Variants in SCLT1 observed in about 807,000 individuals in gnomAD.
SCLT1 encodes the protein sodium channel-associated protein 1.
SCLT1 carries 78 observed loss-of-function variants against 112.8 expected under a neutral mutation model. The observed-to-expected ratio is 0.69, with a 90% CI of 0.58 to 0.83. The LOEUF is 0.83. Among genes scored for constraint, SCLT1 ranks in the 40% least tolerant of loss-of-function variants. The probability of loss-of-function intolerance (pLI) is 0.00; values close to 1 mark genes in which losing one functional copy is unlikely to be tolerated. For missense variants in SCLT1, 747 were observed against 770.4 expected (o/e 0.97, Z 0.36); for synonymous variants, 257 against 254.7 (o/e 1.01, Z -0.09).
At chr4:128,996,306 T>C (rs1272505935) in intron 8 of SCLT1, among the ~76,000 whole-genome samples, 1 of 152,078 alleles carries the variant, frequency 6.6e-6, no homozygotes, top group Non-Finnish European at 1.5e-5. Flanking sequence ...AGAAGGAGTG[T>C]CCAGGATGTC....
chr4:128,948,225 A>G (rs1414032736), intron 15 of SCLT1, among the ~76,000 whole-genome samples: 1 of 151,046 alleles, frequency 6.6e-6, no homozygotes, highest in Admixed American at 6.6e-5. Context: ...ATTCCCAGCT[A>G]CTCAGGAGGC....
At chr4:129,009,688 G>A (rs1368358557) in intron 5 of SCLT1, among the ~76,000 whole-genome samples, 2 of 151,974 alleles carry the variant, frequency 1.3e-5, no homozygotes, top group African/African-American at 2.4e-5. Flanking sequence ...ATCTCATTGT[G>A]GTTTTGATTT....
At chr4:129,044,987 G>T (rs1334921788) in intron 2 of SCLT1, among the ~76,000 whole-genome samples, 1 of 151,898 alleles carries the variant, frequency 6.6e-6, no homozygotes, top group African/African-American at 2.4e-5. Context: ...GCATTTATAG[G>T]TATGTGGTAT....
chr4:128,878,320 A>G (rs1352288157), intron 3 of SCLT1, among the ~76,000 whole-genome samples: 2 of 152,198 alleles, frequency 1.3e-5, no homozygotes, highest in African/African-American at 4.8e-5. Context: ...TACATTTATA[A>G]TTATGGGTTA....
Position 128,950,954 on chromosome 4 carries a change from T to C in SCLT1, c.1218+1815A>G, listed in dbSNP as rs1277515722. On this transcript the variant is annotated intron_variant, in intron 14 of 20. Transcript: ENST00000281142. The stretch of plus-strand genomic sequence containing the variant: ...ACGTGTTGGTCTCCAAAGGGAGATA[T>C]GTAGCTTGAAATGTAATGGCTCCGG... 5.3e-5 allele frequency among the ~76,000 whole-genome samples: 8 copies of C among 152,206 alleles called. No homozygotes were observed. In the South Asian group the frequency reaches 8.3e-4, roughly 16 times the overall value.
Position 129,021,675 on chromosome 4 carries a change from C to A in SCLT1, c.290+17366G>T, listed in dbSNP as rs1026764430. Among the ~76,000 whole-genome samples the A allele has an allele frequency of 2.6e-5, 4 of 152,182 alleles. No homozygotes were observed. The South Asian group carries it at 8.3e-4, about 31-fold the overall frequency. On this transcript the variant is annotated intron_variant, in intron 5 of 20. Coordinates refer to ENST00000281142, the MANE Select transcript of SCLT1 (RefSeq NM_144643.4). ...AGAAAGTTAACAGCCCCAGTTAGGG[C>A]CCTACAGACAAAATCCCCATTGCCC...
At chr4:128,939,859 G>C (rs1382832676) in intron 17 of SCLT1, among the ~76,000 whole-genome samples, 1 of 151,990 alleles carries the variant, frequency 6.6e-6, no homozygotes, top group African/African-American at 2.4e-5. Flanking sequence ...TTTTGCAAGA[G>C]GGAGAAAAAC....
chr4:128,948,186 A>C (rs963805239), intron 15 of SCLT1, among the ~76,000 whole-genome samples: 21 of 151,878 alleles, frequency 1.4e-4, no homozygotes, highest in African/African-American at 2.4e-4. Context: ...ATACAAAAAA[A>C]GTAGCCAGGC....
At chr4:128,986,444 G>A (rs1742101295) in intron 9 of SCLT1, among the ~76,000 whole-genome samples, 2 of 152,182 alleles carry the variant, frequency 1.3e-5, no homozygotes, top group African/African-American at 4.8e-5. Flanking sequence ...GTGCTGCACT[G>A]GTCTCAGAGG....
chr4:128,945,403 T>C (rs1173156064), intron 16 of SCLT1, among the ~76,000 whole-genome samples: 1 of 152,158 alleles, frequency 6.6e-6, no homozygotes, highest in Admixed American at 6.5e-5. Flanking sequence ...TATTGAAAAT[T>C]ACACATATAT....
At chr4:129,055,743 T>G (rs1749309119) in intron 2 of SCLT1, among the ~76,000 whole-genome samples, 1 of 152,008 alleles carries the variant, frequency 6.6e-6, no homozygotes, top group African/African-American at 2.4e-5. Context: ...CAAGACCACT[T>G]GGCTCTCTGG....
chr4:129,044,157 T>C (rs1323752287), intron 2 of SCLT1, 106 bp from the exon 3 acceptor site: 1 of 575,542 alleles, frequency 1.7e-6, no homozygotes, highest in Non-Finnish European at 3.1e-6. Flanking sequence ...TTAGAAACTC[T>C]ATTTATGTAA....
intron 2 of SCLT1, among the ~76,000 whole-genome samples, chr4:129,044,902 C>T (rs1748047314): frequency 6.7e-6 from 1 of 149,320 alleles, no homozygotes; most frequent in South Asian, 2.1e-4. Flanking sequence ...CACCACAATG[C>T]TATAGCAATT....
chr4:128,959,601 T>G lies in SCLT1; in HGVS notation c.1046A>C (p.Gln349Pro). ...AAACATATTTACTAGCTTTCTTACCTGACTTTTTTGAAGGTTAGCTTCTTC... is the reference window on the plus strand; with the variant it reads ...AAACATATTTACTAGCTTTCTTACCGGACTTTTTTGAAGGTTAGCTTCTTC... Reference protein sequence around the residue: ...LLEEANLQKSQALLEEKQKEE... With the variant: ...LLEEANLQKSPALLEEKQKEE... Residue 349 changes from glutamine to proline, a missense_variant and splice_region_variant, in exon 12 of 21, where the codon CAG becomes CCG. Around this residue, in one of 2 missense-constraint regions of SCLT1, gnomAD observed 723 missense variants for 721.3 expected, o/e 1.00. Transcript: ENST00000281142. The G allele has an allele frequency of 1.2e-6, 2 of 1,611,330 alleles. No individual in the cohort carries two copies. Among genetic ancestry groups the G allele is most frequent in the Non-Finnish European group, 1.7e-6 (2 of 1,178,230 alleles).
chr4:129,036,152 T>A (rs1295477018), intron 5 of SCLT1, among the ~76,000 whole-genome samples: 2 of 152,000 alleles, frequency 1.3e-5, no homozygotes, highest in African/African-American at 2.4e-5. Context: ...ATTAGTAGAG[T>A]TCACTTTAAA....
At chr4:129,011,793 A>T (rs546438099) in intron 5 of SCLT1, among the ~76,000 whole-genome samples, 1 of 152,012 alleles carries the variant, frequency 6.6e-6, no homozygotes, top group East Asian at 1.9e-4. Flanking sequence ...AAATTCATCC[A>T]TTTCTTCTAG....
At chr4:129,085,261 A>C (rs1482520637) in intron 1 of SCLT1, among the ~76,000 whole-genome samples, 1 of 152,262 alleles carries the variant, frequency 6.6e-6, no homozygotes, top group Non-Finnish European at 1.5e-5. Flanking sequence ...GCATACAAAA[A>C]AAAGCTCAAC....
intron 9 of SCLT1, among the ~76,000 whole-genome samples, chr4:128,990,559 T>C (rs977423344): frequency 2.0e-5 from 3 of 151,946 alleles, no homozygotes; most frequent in Non-Finnish European, 4.4e-5. Context: ...CTTTCACCAC[T>C]GTTATTCAAC....
chr4:129,023,532 G>T (rs1209514184), intron 5 of SCLT1, among the ~76,000 whole-genome samples: 1 of 152,188 alleles, frequency 6.6e-6, no homozygotes, highest in South Asian at 2.1e-4. Flanking sequence ...AACCAACAGA[G>T]ATCAAAAAAG....
Sources: gnomAD v4.1 joint callset for allele counts (sites outside exome capture counted in the v4.1 genomes callset) on GRCh38, gnomAD v4.1.1 for gene constraint, gnomAD v4.1.1 regional missense constraint, MANE v1.5 for transcripts, NCBI Gene and HGNC (gene_info 2026-07-23, HGNC 2026-07-21) for gene names.